The following TESPA1 variants were observed in gnomAD, a reference collection of about 807,000 sequenced individuals.
TESPA1 encodes protein TESPA1.
TESPA1 carries 33 observed loss-of-function variants against 57.9 expected under a neutral mutation model. That is an observed-to-expected ratio of 0.57 (90% confidence interval 0.43 to 0.76). TESPA1 has a LOEUF of 0.76. Among genes scored for constraint, TESPA1 ranks in the 30% least tolerant of loss-of-function variants. The probability of loss-of-function intolerance (pLI) is 0.00; values close to 1 mark genes in which losing one functional copy is unlikely to be tolerated. For missense variants in TESPA1, 618 were observed against 632.9 expected (o/e 0.98, Z 0.25); for synonymous variants, 227 against 228.9 (o/e 0.99, Z 0.07).
intron 3 of TESPA1, among the ~76,000 whole-genome samples, chr12:54,970,002 C>T (rs1378673274): frequency 1.3e-5 from 2 of 152,214 alleles, no homozygotes; most frequent in African/African-American, 2.4e-5. Flanking sequence ...GAATAGCTCA[C>T]TGTAGCCTTG....
intron 10 of TESPA1, 65 bp downstream of exon 10, chr12:54,961,103 A>AG: frequency 6.3e-7 from 1 of 1,592,302 alleles, no homozygotes; most frequent in Non-Finnish European, 8.6e-7. Context: ...AAAAAAAAAA[A>AG]ACCTTCCTCA....
At chr12:54,969,772 T>A (rs984663341) in intron 3 of TESPA1, among the ~76,000 whole-genome samples, 1 of 152,120 alleles carries the variant, frequency 6.6e-6, no homozygotes, top group African/African-American at 2.4e-5. Flanking sequence ...CAAACATATC[T>A]ATGATGTTAC....
At chr12:54,978,602 A>G (rs560573508) in intron 1 of TESPA1, among the ~76,000 whole-genome samples, 2 of 152,176 alleles carry the variant, frequency 1.3e-5, no homozygotes, top group African/African-American at 4.8e-5. Flanking sequence ...CGACCTTCAC[A>G]TTGGATCCAG....
rs755317656 is a variant in TESPA1 at position 54,950,202 on chromosome 12, A to G, written c.*190T>C. The G allele has an allele frequency of 2.2e-6, 1 of 450,792 alleles. No individual in the cohort carries two copies. Among genetic ancestry groups the G allele is most frequent in the South Asian group, 1.6e-5 (1 of 63,684 alleles). 27.9% of individuals were successfully genotyped at this position (450,792 alleles called of 1,614,324 possible). A position where few individuals can be genotyped will look rare whatever the true frequency, so the allele number is the denominator to read the frequency against. ...TGGCAGCATTAGGATGTGGATTCCA[A>G]ATCGCTCAGTCTGGTCTTCCTCCCC... On this transcript the variant is annotated 3_prime_UTR_variant, in exon 11 of 11. Transcript: ENST00000449076.
intron 10 of TESPA1, among the ~76,000 whole-genome samples, chr12:54,953,689 T>G (rs1229913090): frequency 1.3e-5 from 2 of 152,116 alleles, no homozygotes; most frequent in East Asian, 1.9e-4. Context: ...TGGCTAATTT[T>G]TTTTGTATTT....
At position 54,953,522 on chromosome 12, in the gene TESPA1, C is replaced by CTTTTTTTTTTTTTTTT. The variant is rs1178610425; in HGVS notation, c.*2-3133_*2-3132insAAAAAAAAAAAAAAAA. Among the ~76,000 whole-genome samples, 3 of 135,374 alleles carry CTTTTTTTTTTTTTTTT rather than the reference C, an allele frequency of 2.2e-5. 1 individual carries two copies. Among genetic ancestry groups the CTTTTTTTTTTTTTTTT allele is most frequent in the African/African-American group, 8.4e-5 (3 of 35,796 alleles). The allele number at this position is 135,374 out of a possible 152,430, so 88.8% of individuals were successfully genotyped here. A position where few individuals can be genotyped will look rare whatever the true frequency, so the allele number is the denominator to read the frequency against. The stretch of plus-strand genomic sequence containing the variant: ...CCTTCTCTACATCTTTTTTTATTTA[C>CTTTTTTTTTTTTTTTT]TTTTTTTTTTTTTGAGACGGAGTCT... On this transcript the variant is annotated intron_variant, in intron 10 of 10. Coordinates refer to ENST00000449076, the MANE Select transcript of TESPA1 (RefSeq NM_001136030.3).
chr12:54,968,025 G>C, intron 3 of TESPA1, 133 bp from the exon 4 acceptor site: 1 of 1,533,792 alleles, frequency 6.5e-7, no homozygotes, highest in Non-Finnish European at 8.7e-7. Flanking sequence ...TTTTATGTTG[G>C]AGAAAACAAA....
intron 10 of TESPA1, among the ~76,000 whole-genome samples, chr12:54,955,627 G>A (rs1592312781): frequency 6.6e-6 from 1 of 152,322 alleles, no homozygotes; most frequent in Admixed American, 6.5e-5. Context: ...GGTTGTATCT[G>A]CCTGGCTATG....
chr12:54,949,776 AAGG>A lies in TESPA1; in HGVS notation c.*613_*615del, dbSNP rs1950272402. 1 of 152,540 alleles carries A rather than the reference AAGG, an allele frequency of 6.6e-6. No individual in the cohort carries two copies. Among genetic ancestry groups the A allele is most frequent in the Non-Finnish European group, 1.5e-5 (1 of 68,040 alleles). The allele number at this position is 152,540 out of a possible 1,614,324, so 9.4% of individuals were successfully genotyped here. ...TTGGGTAGAGAAAGAAACTGGATTT[AAGG>A]AGGAGTCTCCAAGTTGATTTCTTCA... On this transcript the variant is annotated 3_prime_UTR_variant, in exon 11 of 11. Coordinates refer to ENST00000449076, the MANE Select transcript of TESPA1 (RefSeq NM_001136030.3).
At chr12:54,975,985 C>T (rs150637402) in intron 1 of TESPA1, among the ~76,000 whole-genome samples, 38 of 152,302 alleles carry the variant, frequency 2.5e-4, no homozygotes, top group South Asian at 2.1e-3. Context: ...CCAAGTGAGA[C>T]GGTAGTTAGC....
intron 10 of TESPA1, among the ~76,000 whole-genome samples, chr12:54,960,346 T>C (rs77394200): frequency 0.019 from 2,840 of 152,288 alleles, 78 homozygotes; most frequent in African/African-American, 0.065. Context: ...AAAACTCATA[T>C]CTGGAGGAAA....
chr12:54,977,822 T>G (rs1180832399), intron 1 of TESPA1, among the ~76,000 whole-genome samples: 1 of 152,184 alleles, frequency 6.6e-6, no homozygotes, highest in Non-Finnish European at 1.5e-5. Context: ...GCACACAGGA[T>G]AGAGGACTGG....
In TESPA1 at chr12:54,974,477, A is replaced by G. The variant is rs1952040494; in HGVS notation, c.86T>C (p.Leu29Pro). 6.2e-7 allele frequency: 1 copy of G among 1,606,642 alleles called. No homozygotes were observed. The highest frequency in any genetic ancestry group is 1.7e-5 in the Admixed American group (1 of 59,196). ...CAGGGCGGCGGCAGCCTCCTCTTCT[A>G]GGACCTGGGTCTGCCAGTTACGGCT... Reference protein sequence around the residue: ...RQSRNWQTQVLEEEAAAALQD... With the variant: ...RQSRNWQTQVPEEEAAAALQD... Residue 29 changes from leucine to proline, a missense_variant, in exon 2 of 11, where the codon CTA becomes CCA. Leu to Pro is a moderately conservative substitution (Grantham distance 98). Coordinates refer to ENST00000449076, the MANE Select transcript of TESPA1 (RefSeq NM_001136030.3).
intron 1 of TESPA1, among the ~76,000 whole-genome samples, chr12:54,981,017 T>C (rs1219970000): frequency 6.6e-6 from 1 of 152,184 alleles, no homozygotes; most frequent in Non-Finnish European, 1.5e-5. Flanking sequence ...ACACCTGGCC[T>C]CAAGCAATCC....
intron 2 of TESPA1, chr12:54,973,987 C>A: frequency 1.2e-6 from 1 of 832,088 alleles, no homozygotes; most frequent in Non-Finnish European, 1.5e-6. Context: ...TTCAATTGGA[C>A]AAATAAGTCT....
rs1387587783 is a variant in TESPA1, at chr12:54,966,420, T to G, written c.315A>C (p.Thr105=). Residue 105 remains threonine, a synonymous_variant, in exon 6 of 11, where the codon ACA becomes ACC. Coordinates refer to ENST00000449076, the MANE Select transcript of TESPA1 (RefSeq NM_001136030.3). The part of the protein sequence containing the change: ...EDDLTLGAEA[T]LLAANGKLFS... ...AGAGTTTGCCATTGGCGGCCAGTAG[T>G]GTGGCTGGACAAGAAACAGAGAAGC... 6.2e-7 allele frequency: 1 copy of G among 1,613,362 alleles called. No individual in the cohort carries two copies. The highest frequency in any genetic ancestry group is 2.2e-5 in the East Asian group (1 of 44,884).
chr12:54,966,334 A>G (rs957478850), intron 6 of TESPA1, 54 bp downstream of exon 6: 7 of 1,612,206 alleles, frequency 4.3e-6, no homozygotes, highest in Non-Finnish European at 1.7e-6. Context: ...ACCTACCCCA[A>G]TTCACTGATT....
intron 2 of TESPA1, chr12:54,973,919 CTG>C (rs1297624509): frequency 1.9e-6 from 2 of 1,049,622 alleles, no homozygotes; most frequent in Admixed American, 5.1e-5. Context: ...ACTCTTATGA[CTG>C]TGGTCTCATC....
chr12:54,966,684 C>T (rs1053761662), intron 5 of TESPA1, among the ~76,000 whole-genome samples: 7 of 151,088 alleles, frequency 4.6e-5, no homozygotes, highest in African/African-American at 1.7e-4. Flanking sequence ...GCAAGAGCCC[C>T]TCTGTCCTAA....
Sources: gnomAD v4.1 joint callset for allele counts (sites outside exome capture counted in the v4.1 genomes callset) on GRCh38, gnomAD v4.1.1 for gene constraint, MANE v1.5 for transcripts, NCBI Gene and HGNC (gene_info 2026-07-23, HGNC 2026-07-21) for gene names.